Variants in HS3ST5 observed in about 807,000 individuals in gnomAD.
The protein encoded by HS3ST5 is heparan sulfate glucosamine 3-O-sulfotransferase 5.
Under a neutral mutation model 25.4 loss-of-function variants are expected in HS3ST5, and 10 were observed. That is an observed-to-expected ratio of 0.39 (90% CI 0.24 to 0.67). The LOEUF (loss-of-function observed/expected upper bound fraction) is 0.67. Among genes scored for constraint, HS3ST5 ranks in the 30% least tolerant of loss-of-function variants. HS3ST5 has a pLI of 0.44. For synonymous variants in HS3ST5, 170 were observed against 162.4 expected, an observed-to-expected ratio of 1.05 and a Z score of -0.36; for missense variants, 324 against 420.7, an observed-to-expected ratio of 0.77 and a Z score of 2.01.
chr6:114,318,863 T>C (rs1775850553), intron 1 of HS3ST5, among the ~76,000 whole-genome samples: 2 of 152,210 alleles, frequency 1.3e-5, no homozygotes, highest in Non-Finnish European at 2.9e-5. Context: ...TCAATGCCTA[T>C]TAAGATTTTA....
chr6:114,207,182 G>T (rs547563041), intron 2 of HS3ST5, among the ~76,000 whole-genome samples: 4 of 152,052 alleles, frequency 2.6e-5, no homozygotes, highest in Admixed American at 2.6e-4. Flanking sequence ...AGCATCAGTG[G>T]CTTTATTTCT....
At chr6:114,163,775 A>G (rs544827269) in intron 3 of HS3ST5, among the ~76,000 whole-genome samples, 1 of 152,250 alleles carries the variant, frequency 6.6e-6, no homozygotes, top group African/African-American at 2.4e-5. Context: ...TAATTAATGT[A>G]TCTGTCGATC....
At chr6:114,194,279 A>T (rs867595605) in intron 2 of HS3ST5, among the ~76,000 whole-genome samples, 1 of 152,202 alleles carries the variant, frequency 6.6e-6, no homozygotes. Context: ...ATATTAAATA[A>T]TTATGATCAC....
chr6:114,168,157 G>C (rs6908717), intron 3 of HS3ST5, among the ~76,000 whole-genome samples, 194 bp downstream of exon 3: 1 of 151,872 alleles, frequency 6.6e-6, no homozygotes, highest in African/African-American at 2.4e-5. Flanking sequence ...GCAATACTGA[G>C]GCAGGAAGCA....
At chr6:114,290,203 A>G (rs1428882009) in intron 1 of HS3ST5, among the ~76,000 whole-genome samples, 2 of 152,168 alleles carry the variant, frequency 1.3e-5, no homozygotes, top group Non-Finnish European at 2.9e-5. Context: ...TCTAATTACC[A>G]TGCCAAAAGT....
At chr6:114,140,947 T>C (rs577288984) in intron 3 of HS3ST5, among the ~76,000 whole-genome samples, 1 of 152,346 alleles carries the variant, frequency 6.6e-6, no homozygotes, top group African/African-American at 2.4e-5. Flanking sequence ...AAGGTTGTTA[T>C]AAGGATTAAA....
intron 1 of HS3ST5, among the ~76,000 whole-genome samples, chr6:114,236,999 C>T (rs778424964): frequency 9.9e-5 from 15 of 152,200 alleles, no homozygotes; most frequent in Non-Finnish European, 2.1e-4. Flanking sequence ...GTGAGCTACC[C>T]ATACTTTTTA....
At chr6:114,098,465 G>A (rs1357588355) in intron 3 of HS3ST5, among the ~76,000 whole-genome samples, 2 of 148,322 alleles carry the variant, frequency 1.3e-5, no homozygotes, top group Non-Finnish European at 3.0e-5. Flanking sequence ...AGACTTTATG[G>A]CCACTCTCAA....
chr6:114,303,076 G>A lies in HS3ST5; in HGVS notation c.-339+39119C>T, dbSNP rs1775145575. 2.0e-5 allele frequency among the ~76,000 whole-genome samples: 3 copies of A among 152,114 alleles called. No individual in the cohort carries two copies. The South Asian group carries it at 6.2e-4, about 32-fold the overall frequency. ...CTTTTTAAAATCCATGACGGAGACT[G>A]GCAGGTTGGATGGATTTCTGCACTG... On this transcript the variant is annotated intron_variant, in intron 1 of 4. Transcript: ENST00000312719.
At chr6:114,132,099 G>T (rs1206499731) in intron 3 of HS3ST5, 1 of 152,048 alleles carries the variant, frequency 6.6e-6, no homozygotes, top group African/African-American at 2.4e-5. Context: ...TAGTTGAGAG[G>T]TTCTCAAACA....
chr6:114,256,903 A>T (rs1351379654), intron 1 of HS3ST5, among the ~76,000 whole-genome samples: 4 of 152,236 alleles, frequency 2.6e-5, no homozygotes, highest in African/African-American at 9.6e-5. Context: ...TATTAAAGAA[A>T]AAAAAGGTTT....
chr6:114,300,592 G>A, intron 1 of HS3ST5, among the ~76,000 whole-genome samples: 1 of 152,140 alleles, frequency 6.6e-6, no homozygotes, highest in East Asian at 1.9e-4. Flanking sequence ...AAAACAATTT[G>A]TGAATTCCTC....
chr6:114,261,057 C>T (rs1456609315), intron 1 of HS3ST5, among the ~76,000 whole-genome samples: 1 of 152,094 alleles, frequency 6.6e-6, no homozygotes, highest in Non-Finnish European at 1.5e-5. Context: ...ATCTGAGCAA[C>T]TCATCGAGTA....
intron 3 of HS3ST5, among the ~76,000 whole-genome samples, chr6:114,073,787 C>G (rs1041242716): frequency 3.3e-5 from 5 of 152,176 alleles, no homozygotes; most frequent in African/African-American, 9.7e-5. Flanking sequence ...CCAGCAATCC[C>G]ATTACTGGGT....
chr6:114,100,025 A>G (rs1410790469), intron 3 of HS3ST5, among the ~76,000 whole-genome samples: 2 of 152,170 alleles, frequency 1.3e-5, no homozygotes, highest in Non-Finnish European at 1.5e-5. Context: ...TTCATGGTTC[A>G]TATTCTAATA....
chr6:114,324,002 G>T (rs1776073987), intron 1 of HS3ST5, among the ~76,000 whole-genome samples: 1 of 152,128 alleles, frequency 6.6e-6, no homozygotes, highest in Non-Finnish European at 1.5e-5. Context: ...TCCCCCTGCT[G>T]GGGGACACTG....
At chr6:114,084,530 A>T in intron 3 of HS3ST5, 1 of 759,234 alleles carries the variant, frequency 1.3e-6, no homozygotes, top group African/African-American at 1.7e-5. Context: ...GCCGGCGTCC[A>T]CCGCATCACA....
chr6:114,187,770 T>C (rs946010071), intron 2 of HS3ST5, among the ~76,000 whole-genome samples: 1 of 152,172 alleles, frequency 6.6e-6, no homozygotes, highest in Non-Finnish European at 1.5e-5. Flanking sequence ...AGATAAATCT[T>C]TCATGAAAGG....
intron 2 of HS3ST5, among the ~76,000 whole-genome samples, chr6:114,195,551 G>C (rs1780697185): frequency 6.6e-6 from 1 of 152,170 alleles, no homozygotes; most frequent in Admixed American, 6.6e-5. Flanking sequence ...CCAGGACCAG[G>C]ATTCTATCTG....
Sources: allele counts gnomAD v4.1 joint callset (sites outside exome capture counted in the v4.1 genomes callset), GRCh38; gene constraint gnomAD v4.1.1; transcripts MANE v1.5; gene names NCBI Gene and HGNC (gene_info 2026-07-23, HGNC 2026-07-21).